THOC2: variants seen among roughly 807,000 people sequenced by gnomAD.
THOC2 encodes THO complex subunit 2.
In THOC2, 10 loss-of-function variants were observed where a neutral mutation model predicts 128.4. The observed-to-expected ratio is 0.08, with a 90% CI of 0.05 to 0.13. The LOEUF (loss-of-function observed/expected upper bound fraction) is 0.13. THOC2 is among the 10% of genes least tolerant of loss of function. The pLI, the probability that THOC2 is intolerant of heterozygous loss-of-function variation, is 1.00. For synonymous variants in THOC2, 393 were observed against 396.9 expected (o/e 0.99, Z 0.12); for missense variants, 535 against 1,155.7 (o/e 0.46, Z 7.79).
At chrX:123,646,207 T>TTG (rs1401727417) in intron 12 of THOC2, among the ~76,000 whole-genome samples, 1 of 112,257 alleles carries the variant, frequency 8.9e-6, no homozygotes, top group African/African-American at 3.2e-5. Context: ...ATTGCTTAAA[T>TTG]TGTACAGACT....
rs754514722 is a variant in THOC2, at chrX:123,622,764, G to A, written c.3779C>T (p.Ser1260Phe). 1.0e-5 allele frequency: 12 copies of A among 1,162,580 alleles called. No individual in the cohort carries two copies. The highest frequency in any genetic ancestry group is 1.2e-6 in the Non-Finnish European group (1 of 856,612). Residue 1260 changes from serine (S) to phenylalanine (F), a missense_variant, in exon 30 of 39, where the codon TCT (serine) becomes TTT (phenylalanine). Physicochemically the swap from Ser to Phe is radical, Grantham distance 155 (BLOSUM62 -2). Around this residue, in one of 9 missense-constraint regions of THOC2, gnomAD observed 116 missense variants for 180.0 expected, o/e 0.64. Transcript: ENST00000245838. The part of the protein sequence containing the change: ...KGNSSNGNSG[S>F]NSNKAVKEND... ...CATGGCACAGTGTTCCTACCTGTTAGAGCCACTATTTCCATTGCTTGAATT... is the reference window on the plus strand; with the variant it reads ...CATGGCACAGTGTTCCTACCTGTTAAAGCCACTATTTCCATTGCTTGAATT...
chrX:123,648,041 G>A (rs1352170542), intron 12 of THOC2, among the ~76,000 whole-genome samples: 3 of 110,328 alleles, frequency 2.7e-5, no homozygotes, highest in African/African-American at 6.6e-5. Context: ...GAACAGCTCC[G>A]GTCTGCAGCT....
intron 16 of THOC2, among the ~76,000 whole-genome samples, chrX:123,640,149 T>C (rs939178890): frequency 2.7e-5 from 3 of 111,554 alleles, no homozygotes; most frequent in African/African-American, 6.5e-5. Context: ...ATCGGGTCAC[T>C]GCACTCCAGC....
chrX:123,619,992 A>G (rs2047026860), intron 32 of THOC2: 1 of 110,415 alleles, frequency 9.1e-6, no homozygotes, highest in East Asian at 2.8e-4. Flanking sequence ...GGTGAATCTC[A>G]CACCTCCCAC....
In THOC2 at chrX:123,686,536, G is replaced by A. The variant is rs747940705; in HGVS notation, c.768+12C>T. ...AATCTCTAAATATACATACATACAC[G>A]TTTTTCTTTACCTGGTAAAACTTGA... On this transcript the variant is annotated intron_variant, in intron 8 of 38. Coordinates refer to ENST00000245838, the MANE Select transcript of THOC2 (RefSeq NM_001081550.2). The A allele has an allele frequency of 2.1e-5, 25 of 1,169,122 alleles. No homozygotes were observed. Among genetic ancestry groups the A allele is most frequent in the African/African-American group, 3.6e-5 (2 of 56,231 alleles).
chrX:123,658,165 C>T (rs773645591), intron 12 of THOC2, among the ~76,000 whole-genome samples: 35 of 110,462 alleles, frequency 3.2e-4, no homozygotes, highest in Non-Finnish European at 6.4e-4. Flanking sequence ...GTGGGGTAAT[C>T]ACTAAAAAAC....
intron 36 of THOC2, among the ~76,000 whole-genome samples, chrX:123,612,023 A>G (rs750729489): frequency 9.0e-6 from 1 of 111,075 alleles, no homozygotes; most frequent in Non-Finnish European, 1.9e-5. Context: ...ACAGAAAATA[A>G]CCAGTGTTGA....
At chrX:123,635,683 C>A (rs899249023) in intron 19 of THOC2, among the ~76,000 whole-genome samples, 2 of 111,646 alleles carry the variant, frequency 1.8e-5, no homozygotes, top group African/African-American at 3.3e-5. Flanking sequence ...ATTATATACA[C>A]CCTCAAGATA....
chrX:123,698,249 G>C (rs1052380705), intron 4 of THOC2, among the ~76,000 whole-genome samples: 4 of 110,924 alleles, frequency 3.6e-5, no homozygotes, highest in African/African-American at 9.8e-5. Flanking sequence ...CATGAGGTCA[G>C]GAGTTCAAGA....
At chrX:123,643,456 A>G (rs2048007590) in intron 15 of THOC2, among the ~76,000 whole-genome samples, 1 of 111,823 alleles carries the variant, frequency 8.9e-6, no homozygotes, top group South Asian at 3.8e-4. Context: ...AAAATGCTTA[A>G]TGTATTATTA....
At chrX:123,607,057 TA>T (rs1180833045) in intron 38 of THOC2, among the ~76,000 whole-genome samples, 57 of 100,360 alleles carry the variant, frequency 5.7e-4, no homozygotes, top group Middle Eastern at 4.8e-3. Context: ...AAGCAGGAAT[TA>T]AAAAAAAAAA....
chrX:123,622,765 A>G lies in THOC2; in HGVS notation c.3778T>C (p.Ser1260Pro), dbSNP rs1350061088. Residue 1260 changes from serine to proline, a missense_variant, in exon 30 of 39, where the codon TCT (serine) becomes CCT (proline). Ser to Pro is a moderately conservative substitution (Grantham distance 74). This residue lies in a region of THOC2 where 116 missense variants were observed against 180.0 expected (regional missense o/e 0.64). Coordinates refer to ENST00000245838, the MANE Select transcript of THOC2 (RefSeq NM_001081550.2). ...KGNSSNGNSG[S>P]NSNKAVKEND... ...ATGGCACAGTGTTCCTACCTGTTAGAGCCACTATTTCCATTGCTTGAATTC... is the reference window on the plus strand; with the variant it reads ...ATGGCACAGTGTTCCTACCTGTTAGGGCCACTATTTCCATTGCTTGAATTC... 8.6e-7 allele frequency: 1 copy of G among 1,164,800 alleles called. No individual in the cohort carries two copies. The highest frequency in any genetic ancestry group is 1.2e-6 in the Non-Finnish European group (1 of 857,025).
chrX:123,686,444 C>A, intron 8 of THOC2, 104 bp downstream of exon 8: 1 of 613,584 alleles, frequency 1.6e-6, no homozygotes, highest in Non-Finnish European at 2.4e-6. Context: ...TCTGCTAGAA[C>A]ACCTGAGATG....
chrX:123,682,741 A>G (rs1460032743), intron 8 of THOC2, among the ~76,000 whole-genome samples: 4 of 112,011 alleles, frequency 3.6e-5, no homozygotes, highest in Non-Finnish European at 7.5e-5. Context: ...GTTTACAGAT[A>G]TAGCCTCAGT....
chrX:123,623,150 TTGA>T lies in THOC2; in HGVS notation c.3634_3636del (p.Ser1212del), dbSNP rs2047145550. ...TCATCCGATTTAGATGCACTTCCTA[TTGA>T]TGATGAAGAAGGCCCACCACCAGGC... On this transcript the variant is annotated inframe_deletion, in exon 29 of 39. Coordinates refer to ENST00000245838, the MANE Select transcript of THOC2 (RefSeq NM_001081550.2). The T allele has an allele frequency of 8.3e-7, 1 of 1,209,810 alleles. No homozygotes were observed. Among genetic ancestry groups the T allele is most frequent in the Non-Finnish European group, 1.1e-6 (1 of 895,092 alleles).
At chrX:123,665,946 T>C (rs984833777) in intron 11 of THOC2, 109 bp from the exon 12 acceptor site, 2 of 464,522 alleles carry the variant, frequency 4.3e-6, no homozygotes, top group African/African-American at 5.1e-5. Context: ...GTTATCTTAA[T>C]CAGTGAAATT....
chrX:123,624,944 A>G (rs1392957409), intron 25 of THOC2, among the ~76,000 whole-genome samples: 2 of 111,566 alleles, frequency 1.8e-5, no homozygotes, highest in Admixed American at 1.9e-4. Context: ...TTATTACATA[A>G]TAAGTTGTTT....
At chrX:123,705,142 GTA>G (rs2050874364) in intron 3 of THOC2, among the ~76,000 whole-genome samples, 1 of 111,910 alleles carries the variant, frequency 8.9e-6, no homozygotes, top group African/African-American at 3.2e-5. Flanking sequence ...ATACTGGACA[GTA>G]TATAGTACTA....
At chrX:123,695,887 C>A (rs1413804383) in intron 7 of THOC2, 134 bp downstream of exon 7, 2 of 403,059 alleles carry the variant, frequency 5.0e-6, no homozygotes, top group Non-Finnish European at 8.4e-6. Flanking sequence ...AAAGTAAAAG[C>A]TAAACACCTC....
Sources: allele counts gnomAD v4.1 joint callset (sites outside exome capture counted in the v4.1 genomes callset), GRCh38; gene constraint gnomAD v4.1.1; regional missense constraint gnomAD v4.1.1; transcripts MANE v1.5; gene names NCBI Gene and HGNC (gene_info 2026-07-23, HGNC 2026-07-21).